The following CPLANE1 variants were observed in gnomAD, a reference collection of about 807,000 sequenced individuals.
CPLANE1 encodes ciliogenesis and planar polarity effector complex subunit 1.
Under a neutral mutation model 362.5 loss-of-function variants are expected in CPLANE1, and 263 were observed. That is an observed-to-expected ratio of 0.73 (90% CI 0.66 to 0.80). The LOEUF (loss-of-function observed/expected upper bound fraction) is 0.80, where lower values mean the gene tolerates loss of function less well. Among genes scored for constraint, CPLANE1 ranks in the 30% least tolerant of loss-of-function variants. CPLANE1 has a pLI of 0.00. For missense variants in CPLANE1, 3,461 were observed against 3,793.4 expected (o/e 0.91, Z 2.30); for synonymous variants, 1,212 against 1,302.6 (o/e 0.93, Z 1.50).
rs867274868 is a variant in CPLANE1, at chr5:37,205,766, T to C, written c.3150-312A>G. ...TCTCACTCTGTTGCCCAGGCTGACG[T>C]GTAATGACATGATCACGGCTCACTG... is the stretch of plus-strand genomic sequence containing the variant. On this transcript the variant is annotated intron_variant, in intron 17 of 52. Transcript: ENST00000651892. Among the ~76,000 whole-genome samples, 6 of 152,260 alleles carry C rather than the reference T, an allele frequency of 3.9e-5. No homozygotes were observed. The South Asian group carries it at 6.2e-4, about 16-fold the overall frequency.
chr5:37,079,044 T>A, the CPLANE1 span, among the ~76,000 whole-genome samples: 2 of 152,230 alleles, frequency 1.3e-5, no homozygotes, highest in Non-Finnish European at 2.9e-5. Flanking sequence ...GTGCAGAAGC[T>A]CTTTAGTTCA....
At chr5:37,248,919 C>G (rs72736771) in intron 1 of CPLANE1, among the ~76,000 whole-genome samples, 4,304 of 152,352 alleles carry the variant, frequency 0.028, 92 homozygotes, top group Middle Eastern at 0.1. Flanking sequence ...GGATCCTGCT[C>G]GAGAAGCTGG....
Position 37,227,703 on chromosome 5 carries a change from G to C in CPLANE1, c.1236C>G (p.Leu412=). 1 of 1,551,442 alleles carries C rather than the reference G, an allele frequency of 6.4e-7. No homozygotes were observed. Among genetic ancestry groups the C allele is most frequent in the Non-Finnish European group, 8.7e-7 (1 of 1,146,876 alleles). ...TGACCATATATCCATCAGATATAAC[G>C]AGGTAGGGTAACCGTGAGTGTGCTT... The part of the protein sequence containing the change: ...SIKAHSRLPY[L]VISDGYMVTT... The change falls in exon 10 of 53, where the codon CTC becomes CTG. Residue 412 remains leucine, a synonymous_variant. Transcript: ENST00000651892.
At chr5:37,215,298 C>G (rs1021912280) in intron 15 of CPLANE1, among the ~76,000 whole-genome samples, 1 of 152,156 alleles carries the variant, frequency 6.6e-6, no homozygotes, top group African/African-American at 2.4e-5. Context: ...ATCTGCCCGC[C>G]TCGGCCTCCC....
chr5:37,137,824 T>C (rs1370400251), intron 46 of CPLANE1, among the ~76,000 whole-genome samples: 1 of 151,972 alleles, frequency 6.6e-6, no homozygotes, highest in African/African-American at 2.4e-5. Context: ...CTCCACCTGT[T>C]CCCTCCCATG....
chr5:37,240,376 G>C (rs1358875821), intron 6 of CPLANE1, among the ~76,000 whole-genome samples: 1 of 152,058 alleles, frequency 6.6e-6, no homozygotes, highest in Non-Finnish European at 1.5e-5. Flanking sequence ...GAAAGAAAGA[G>C]AAGGGGTTTA....
chr5:37,106,862 A>C lies in CPLANE1; in HGVS notation c.*740T>G. 1 of 984,742 alleles carries C rather than the reference A, an allele frequency of 1.0e-6. No homozygotes were observed. The highest frequency in any genetic ancestry group is 1.2e-6 in the Non-Finnish European group (1 of 829,270). The allele number at this position is 984,742 out of a possible 1,614,324, so 61.0% of individuals were successfully genotyped here. A position where few individuals can be genotyped will look rare whatever the true frequency, so the allele number is the denominator to read the frequency against. On this transcript the variant is annotated 3_prime_UTR_variant, in exon 53 of 53. Transcript: ENST00000651892. ...TTCTTAGTCAATTCTCATAAAAATT[A>C]TCTCTTAAAACTATGACATTATTGG...
At chr5:37,237,094 T>C (rs934016119) in intron 8 of CPLANE1, among the ~76,000 whole-genome samples, 3 of 152,200 alleles carry the variant, frequency 2.0e-5, no homozygotes, top group Non-Finnish European at 4.4e-5. Flanking sequence ...ATTGGGTATA[T>C]ACCCAAAGGG....
chr5:37,084,792 T>TA, the CPLANE1 span, among the ~76,000 whole-genome samples: 3 of 150,474 alleles, frequency 2.0e-5, no homozygotes, highest in African/African-American at 7.4e-5. Context: ...ATCTTTTTTT[T>TA]TAAAAAAAAA....
chr5:37,193,689 A>G (rs1252423743), intron 21 of CPLANE1, among the ~76,000 whole-genome samples: 2 of 151,986 alleles, frequency 1.3e-5, no homozygotes, highest in East Asian at 1.9e-4. Flanking sequence ...AAGAGTTAAA[A>G]TCTACTATTT....
chr5:37,084,191 T>A, the CPLANE1 span, among the ~76,000 whole-genome samples: 2 of 152,176 alleles, frequency 1.3e-5, no homozygotes, highest in Admixed American at 6.5e-5. Flanking sequence ...GCTTCATATA[T>A]GAAGGAAAGA....
intron 21 of CPLANE1, among the ~76,000 whole-genome samples, chr5:37,194,300 G>C (rs942218549): frequency 6.6e-6 from 1 of 152,110 alleles, no homozygotes; most frequent in African/African-American, 2.4e-5. Flanking sequence ...TAATTAAACA[G>C]TAGAACTCAT....
intron 51 of CPLANE1, among the ~76,000 whole-genome samples, chr5:37,112,248 T>C (rs1052212017): frequency 2.0e-5 from 3 of 152,224 alleles, no homozygotes; most frequent in African/African-American, 7.2e-5. Context: ...AGGATAAATC[T>C]TCACCTATGG....
In CPLANE1 at chr5:37,221,194, T is replaced by C. The variant is rs911802733; in HGVS notation, c.2746+130A>G. ...ACTAACAAGTAAACATACTGCATTC[T>C]GTAGTCCTAGCCACTTGAGGCGGCT... On this transcript the variant is annotated intron_variant, in intron 15 of 52. Transcript: ENST00000651892. 5.5e-6 allele frequency: 3 copies of C among 543,022 alleles called. No homozygotes were observed. In the African/African-American group the frequency reaches 5.9e-5, roughly 11 times the overall value. 33.6% of individuals were successfully genotyped at this position (543,022 alleles called of 1,614,324 possible).
chr5:37,148,206 T>C lies in CPLANE1; in HGVS notation c.8436A>G (p.Ser2812=). The change falls in exon 43 of 53, where the codon TCA becomes TCG. Residue 2812 remains serine (S), a synonymous_variant. Transcript: ENST00000651892. Reference sequence around the variant, plus strand: ...CTTCTTCAGAAATGCTAATGGTTTTTGAAGCTAATGTTTTTTTGAATTCAG... The same window carrying C: ...CTTCTTCAGAAATGCTAATGGTTTTCGAAGCTAATGTTTTTTTGAATTCAG... ...SGPEFKKTLA[S]KTISISEEVR... 1 of 1,613,324 alleles carries C rather than the reference T, an allele frequency of 6.2e-7. No individual in the cohort carries two copies. The highest frequency in any genetic ancestry group is 8.5e-7 in the Non-Finnish European group (1 of 1,179,568).
In CPLANE1 at chr5:37,173,907, G is replaced by A; in HGVS notation, c.6019C>T (p.Pro2007Ser). 4.3e-6 allele frequency: 7 copies of A among 1,614,044 alleles called. No individual in the cohort carries two copies. Among genetic ancestry groups the A allele is most frequent in the Non-Finnish European group, 5.9e-6 (7 of 1,180,002 alleles). ...STYKEKSSSV[P>S]LLISNGVNVA... ...TTGACTCCATTTGATATCAGAAGTG[G>A]AACTGAGGAAGATTTTTCTTTATAT... The change falls in exon 32 of 53, where the codon CCA becomes TCA. Residue 2007 changes from proline to serine, a missense_variant. Transcript: ENST00000651892.
chr5:37,136,891 G>A (rs1767883470), intron 46 of CPLANE1, among the ~76,000 whole-genome samples: 1 of 152,184 alleles, frequency 6.6e-6, no homozygotes, highest in South Asian at 2.1e-4. Context: ...GAGGGCCTGG[G>A]CCTGCCCCAG....
the CPLANE1 span, among the ~76,000 whole-genome samples, chr5:37,082,657 A>G: frequency 2.1e-3 from 316 of 152,282 alleles, no homozygotes; most frequent in African/African-American, 7.0e-3. Context: ...ATTTCTTAAT[A>G]ACTTTTACAA....
intron 15 of CPLANE1, among the ~76,000 whole-genome samples, chr5:37,219,835 C>T (rs1199534237): frequency 6.6e-6 from 1 of 151,548 alleles, no homozygotes; most frequent in Non-Finnish European, 1.5e-5. Context: ...TCAAAAGGCC[C>T]TAGACAAAAA....
Sources: allele counts gnomAD v4.1 joint callset (sites outside exome capture counted in the v4.1 genomes callset), GRCh38; gene constraint gnomAD v4.1.1; transcripts MANE v1.5; gene names NCBI Gene and HGNC (gene_info 2026-07-23, HGNC 2026-07-21).